H6PD: variants seen among roughly 807,000 people sequenced by gnomAD.
The protein encoded by H6PD is hexose-6-phosphate dehydrogenase/glucose 1-dehydrogenase.
In H6PD, 48 loss-of-function variants were observed where a neutral mutation model predicts 61.2. The observed-to-expected ratio is 0.78, with a 90% CI of 0.62 to 1.00. The LOEUF (loss-of-function observed/expected upper bound fraction) is 1.00, where lower values mean the gene tolerates loss of function less well. H6PD is among the 50% of genes least tolerant of loss of function. The probability of loss-of-function intolerance (pLI) is 0.00; values close to 1 mark genes in which losing one functional copy is unlikely to be tolerated. For synonymous variants in H6PD, 480 were observed against 457.9 expected (o/e 1.05, Z -0.62); for missense variants, 1,093 against 1,065.0 (o/e 1.03, Z -0.37).
At chr1:9,246,610 C>T (rs982830655) in intron 2 of H6PD, among the ~76,000 whole-genome samples, 3 of 152,172 alleles carry the variant, frequency 2.0e-5, no homozygotes, top group Admixed American at 2.0e-4. Flanking sequence ...GGGAGGTTTT[C>T]ACTTGTTTAT....
Position 9,264,613 on chromosome 1 carries a change from C to T in H6PD, c.2120C>T (p.Pro707Leu). 6.2e-7 allele frequency: 1 copy of T among 1,613,154 alleles called. No individual in the cohort carries two copies. Among genetic ancestry groups the T allele is most frequent in the East Asian group, 2.2e-5 (1 of 44,884 alleles). Residue 707 changes from proline to leucine, a missense_variant, in exon 5 of 5, where the codon CCC becomes CTC. Pro to Leu is a moderately conservative substitution (Grantham distance 98). Coordinates refer to ENST00000377403, the MANE Select transcript of H6PD (RefSeq NM_004285.4). ...ACAGCCTCCCTCTTCCCACAGTCAC[C>T]CACTGGCCTGGATGGCGAGCAGCTG... The part of the protein sequence containing the change: ...GHTASLFPQS[P>L]TGLDGEQLVV...
Position 9,254,530 on chromosome 1 carries a change from G to A in H6PD, c.745+7447G>A, listed in dbSNP as rs74783319. Among the ~76,000 whole-genome samples the A allele has an allele frequency of 0.01, 1,533 of 152,102 alleles. 39 individuals carry two copies. The highest frequency in any genetic ancestry group is 0.035 in the African/African-American group (1,444 of 41,464). On this transcript the variant is annotated intron_variant, in intron 3 of 4. Coordinates refer to ENST00000377403, the MANE Select transcript of H6PD (RefSeq NM_004285.4). This position sits in a 1 kb window ranked among gnomAD's most constrained non-coding sequence, Gnocchi z 4.6. Reference sequence around the variant, plus strand: ...CTTCTTTGCAGTTCACTGTGACTTCGTTCCCTCCTACCTTTGTTACTTCCT... The same window carrying A: ...CTTCTTTGCAGTTCACTGTGACTTCATTCCCTCCTACCTTTGTTACTTCCT...
intron 1 of H6PD, among the ~76,000 whole-genome samples, chr1:9,244,630 T>C (rs561515972): frequency 8.5e-5 from 13 of 152,334 alleles, no homozygotes; most frequent in African/African-American, 2.4e-4. Context: ...CGGCCCTCCC[T>C]GGTGGCCTTT....
intron 1 of H6PD, among the ~76,000 whole-genome samples, chr1:9,244,216 A>G (rs1641090443): frequency 6.6e-6 from 1 of 152,218 alleles, no homozygotes; most frequent in South Asian, 2.1e-4. Context: ...TACAGGCCTC[A>G]GCTCATTATA....
chr1:9,249,727 C>T (rs537901870), intron 3 of H6PD, among the ~76,000 whole-genome samples: 2 of 152,300 alleles, frequency 1.3e-5, no homozygotes, highest in East Asian at 3.9e-4. Context: ...GTTCAGTCCA[C>T]GTTCCTTGTC....
chr1:9,261,905 T>C (rs1053669742), intron 3 of H6PD, among the ~76,000 whole-genome samples, 154 bp from the exon 4 acceptor site: 5 of 152,152 alleles, frequency 3.3e-5, no homozygotes, highest in African/African-American at 1.2e-4. Context: ...CGTGGTGAGG[T>C]TGGCTTTGGT....
At chr1:9,246,524 C>T (rs1221378172) in intron 2 of H6PD, among the ~76,000 whole-genome samples, 5 of 152,118 alleles carry the variant, frequency 3.3e-5, no homozygotes, top group African/African-American at 1.2e-4. Flanking sequence ...AGAGACATGG[C>T]CTTCCATCCC....
chr1:9,263,807 T>C lies in H6PD; in HGVS notation c.1314T>C (p.Leu438=). The change falls in exon 5 of 5, where the codon CTT becomes CTC. Residue 438 remains leucine, a synonymous_variant. Coordinates refer to ENST00000377403, the MANE Select transcript of H6PD (RefSeq NM_004285.4). ...KEMEGPPGLR[L]FGSPLSDYYA... ...TGGAGGGACCACCTGGGCTCCGCCT[T>C]TTCGGCAGCCCTCTGTCCGATTACT... The C allele has an allele frequency of 6.2e-7, 1 of 1,613,906 alleles. No individual in the cohort carries two copies.
At position 9,264,398 on chromosome 1, in the gene H6PD, C is replaced by T. The variant is rs543243629; in HGVS notation, c.1905C>T (p.Gly635=). Residue 635 remains glycine, a synonymous_variant, in exon 5 of 5, where the codon GGC becomes GGT. Coordinates refer to ENST00000377403, the MANE Select transcript of H6PD (RefSeq NM_004285.4). ...PLSDPESNFQ[G]LQAHLLQHVR... ...CAGACCCGGAGTCCAACTTCCAGGG[C>T]CTGCAGGCCCACCTGCTGCAGCACG... The T allele has an allele frequency of 1.6e-5, 26 of 1,613,002 alleles. No homozygotes were observed. In the African/African-American group the frequency reaches 3.3e-4, roughly 21 times the overall value.
In H6PD at chr1:9,267,055, G is replaced by A; in HGVS notation, c.*2186G>A. The A allele has an allele frequency of 3.3e-5, 5 of 152,544 alleles. No homozygotes were observed. The highest frequency in any genetic ancestry group is 1.9e-4 in the East Asian group (1 of 5,192). The allele number at this position is 152,544 out of a possible 1,614,324, so 9.4% of individuals were successfully genotyped here. ...GGCTGGTCTCGAACTCCTGAGCTCAGGCAGTCTACCCACCTCAGCCTCCCA... is the reference window on the plus strand; with the variant it reads ...GGCTGGTCTCGAACTCCTGAGCTCAAGCAGTCTACCCACCTCAGCCTCCCA... On this transcript the variant is annotated 3_prime_UTR_variant, in exon 5 of 5. Coordinates refer to ENST00000377403, the MANE Select transcript of H6PD (RefSeq NM_004285.4).
intron 3 of H6PD, among the ~76,000 whole-genome samples, chr1:9,255,430 T>C (rs1170064638): frequency 2.0e-5 from 3 of 151,886 alleles, no homozygotes; most frequent in African/African-American, 4.8e-5. Context: ...CACAGGTGTA[T>C]TTCACCATGC....
At chr1:9,259,944 G>A (rs1259054799) in intron 3 of H6PD, among the ~76,000 whole-genome samples, 1 of 151,948 alleles carries the variant, frequency 6.6e-6, no homozygotes, top group Non-Finnish European at 1.5e-5. Context: ...TTATGCTGGT[G>A]GTGTTATGTT....
intron 1 of H6PD, among the ~76,000 whole-genome samples, chr1:9,237,807 C>T (rs1373234796): frequency 2.0e-5 from 3 of 152,168 alleles, no homozygotes; most frequent in Non-Finnish European, 1.5e-5. Flanking sequence ...ATTTCAAATG[C>T]AGAAATGACA....
chr1:9,263,414 G>GCAGGT, intron 4 of H6PD, 95 bp from the exon 5 acceptor site: 1 of 1,219,694 alleles, frequency 8.2e-7, no homozygotes, highest in Non-Finnish European at 1.2e-6. Context: ...CTGAGGCAGG[G>GCAGGT]GGACGCCCAG....
intron 3 of H6PD, among the ~76,000 whole-genome samples, chr1:9,252,151 T>C (rs1641385923): frequency 6.6e-6 from 1 of 152,200 alleles, no homozygotes; most frequent in Non-Finnish European, 1.5e-5. Context: ...GTGTCTGAGT[T>C]CCACGTGACT....
In H6PD at chr1:9,263,580, G is replaced by C; in HGVS notation, c.1087G>C (p.Asp363His). 1 of 1,614,234 alleles carries C rather than the reference G, an allele frequency of 6.2e-7. No homozygotes were observed. The highest frequency in any genetic ancestry group is 8.5e-7 in the Non-Finnish European group (1 of 1,180,018). Residue 363 changes from aspartate to histidine, a missense_variant, in exon 5 of 5, where the codon GAC (aspartate) becomes CAC (histidine). Physicochemically the swap from Asp to His is moderately conservative, Grantham distance 81. Transcript: ENST00000377403. The part of the protein sequence containing the change: ...PFILMSGKAL[D>H]ERVGYARILF... ...CATCCTGATGTCTGGCAAAGCCTTG[G>C]ACGAGAGAGTGGGCTACGCTCGGAT...
rs1418851217 is a variant in H6PD at position 9,245,907 on chromosome 1, T to C, written c.627+346T>C. On this transcript the variant is annotated intron_variant, in intron 2 of 4. Transcript: ENST00000377403. The surrounding 1 kb of genome is among the most constrained non-coding windows in gnomAD (Gnocchi z 4.8). The stretch of plus-strand genomic sequence containing the variant: ...GGATCTGGCTTCCTGTTGGGTGTGC[T>C]GTGGGAATCAGAATGAGCTCTCTTC... Among the ~76,000 whole-genome samples the C allele has an allele frequency of 2.0e-5, 3 of 151,922 alleles. No homozygotes were observed. Among genetic ancestry groups the C allele is most frequent in the Non-Finnish European group, 4.4e-5 (3 of 67,974 alleles).
At position 9,264,048 on chromosome 1, in the gene H6PD, C is replaced by T. The variant is rs35863691; in HGVS notation, c.1555C>T (p.Arg519Trp). Residue 519 changes from arginine (R) to tryptophan (W), a missense_variant, in exon 5 of 5, where the codon CGG becomes TGG. Arg to Trp is a moderately radical substitution (Grantham distance 101). Coordinates refer to ENST00000377403, the MANE Select transcript of H6PD (RefSeq NM_004285.4). ...RLLDFEFSSG[R>W]LFFSQQQPEQ... ...GTTGGACTTTGAGTTCAGTAGCGGC[C>T]GGTTGTTCTTTTCCCAGCAGCAGCC... The T allele has an allele frequency of 2.9e-5, 47 of 1,614,186 alleles. No homozygotes were observed. The highest frequency in any genetic ancestry group is 2.8e-4 in the African/African-American group (21 of 75,052).
At chr1:9,246,677 T>A (rs956663974) in intron 2 of H6PD, among the ~76,000 whole-genome samples, 20 of 152,190 alleles carry the variant, frequency 1.3e-4, no homozygotes, top group African/African-American at 4.8e-4. Flanking sequence ...TTTGCTACAT[T>A]TTTGGTGTTA....
Sources: gnomAD v4.1 joint callset for allele counts (sites outside exome capture counted in the v4.1 genomes callset) on GRCh38, gnomAD v4.1.1 for gene constraint, Gnocchi (gnomAD v3.1) non-coding constraint, MANE v1.5 for transcripts, NCBI Gene and HGNC (gene_info 2026-07-23, HGNC 2026-07-21) for gene names.